The following TRIM55 variants were observed in gnomAD, a reference collection of about 807,000 sequenced individuals.
TRIM55 encodes tripartite motif-containing protein 55.
TRIM55 carries 50 observed loss-of-function variants against 60.9 expected under a neutral mutation model. That is an observed-to-expected ratio of 0.82 (90% CI 0.65 to 1.04). The LOEUF (loss-of-function observed/expected upper bound fraction) is 1.04, where lower values mean the gene tolerates loss of function less well. Among genes scored for constraint, TRIM55 ranks in the 50% least tolerant of loss-of-function variants. TRIM55 has a pLI of 0.00. For synonymous variants in TRIM55, 237 were observed against 238.1 expected (o/e 1.00, Z 0.04); for missense variants, 681 against 666.9 (o/e 1.02, Z -0.23).
At chr8:66,115,973 G>A in the TRIM55 span, among the ~76,000 whole-genome samples, 1 of 152,116 alleles carries the variant, frequency 6.6e-6, no homozygotes, top group African/African-American at 2.4e-5. Context: ...GTAGAGATTC[G>A]GACACATTTC....
chr8:66,174,713 A>C lies in TRIM55; in HGVS notation c.*120A>C, dbSNP rs1811830497. 4.4e-6 allele frequency: 5 copies of C among 1,138,930 alleles called. No individual in the cohort carries two copies. The highest frequency in any genetic ancestry group is 5.8e-6 in the Non-Finnish European group (5 of 860,246). 70.6% of individuals were successfully genotyped at this position (1,138,930 alleles called of 1,614,324 possible). ...AGGGACCTCTGAACAGGATTTCTGC[A>C]AAAATAGCCCCAAACTGCAATTCCA... On this transcript the variant is annotated 3_prime_UTR_variant, in exon 10 of 10. Coordinates refer to ENST00000315962, the MANE Select transcript of TRIM55 (RefSeq NM_184085.2).
chr8:66,148,230 T>C (rs1012528472), intron 4 of TRIM55, among the ~76,000 whole-genome samples: 1 of 145,148 alleles, frequency 6.9e-6, no homozygotes, highest in African/African-American at 2.9e-5. Flanking sequence ...AACTGGATAA[T>C]TAATTATGAT....
chr8:66,142,027 C>T (rs1039988324), intron 4 of TRIM55, among the ~76,000 whole-genome samples: 5 of 152,208 alleles, frequency 3.3e-5, no homozygotes, highest in Non-Finnish European at 7.3e-5. Flanking sequence ...TTACACGACA[C>T]TGGGCATGTT....
At chr8:66,158,344 T>C (rs892670692) in intron 9 of TRIM55, among the ~76,000 whole-genome samples, 8 of 152,166 alleles carry the variant, frequency 5.3e-5, no homozygotes, top group African/African-American at 1.9e-4. Context: ...CTTTACTATA[T>C]CATAATGATT....
the TRIM55 span, among the ~76,000 whole-genome samples, chr8:66,120,967 G>T: frequency 6.6e-6 from 1 of 152,160 alleles, no homozygotes; most frequent in Non-Finnish European, 1.5e-5. Flanking sequence ...CTTTACTTGT[G>T]AAATTTGGCC....
chr8:66,124,816 T>G (rs190339009), upstream of TRIM55, among the ~76,000 whole-genome samples: 389 of 152,342 alleles, frequency 2.6e-3, 1 homozygote, highest in African/African-American at 8.7e-3. Context: ...AAAACAGTTT[T>G]GTTGAATTTT....
At position 66,149,668 on chromosome 8, in the gene TRIM55, A is replaced by G; in HGVS notation, c.627A>G (p.Gln209=). The change falls in exon 5 of 10, where the codon CAA becomes CAG. Residue 209 remains glutamine (Q), a synonymous_variant. Coordinates refer to ENST00000315962, the MANE Select transcript of TRIM55 (RefSeq NM_184085.2). ...AGGAATGTTGCAGAAAACAGAAACA[A>G]GAGCTTTGTGAGAAGTTTGATTACC... ...TIEECCRKQK[Q]ELCEKFDYLY... 1 of 1,613,358 alleles carries G rather than the reference A, an allele frequency of 6.2e-7. No individual in the cohort carries two copies.
chr8:66,155,622 G>A (rs1361276797), intron 9 of TRIM55: 2 of 1,593,694 alleles, frequency 1.3e-6, no homozygotes, highest in South Asian at 2.3e-5. Context: ...TTTTCTCACA[G>A]GAGTTAGTAA....
At chr8:66,125,981 A>G (rs1467376629), upstream of TRIM55, among the ~76,000 whole-genome samples, 1 of 152,264 alleles carries the variant, frequency 6.6e-6, no homozygotes, top group Non-Finnish European at 1.5e-5. Flanking sequence ...ACATTTTTAA[A>G]TACAATATGT....
Position 66,174,590 on chromosome 8 carries a change from A to G in TRIM55, c.1644A>G (p.Glu548=). 6.9e-6 allele frequency: 11 copies of G among 1,593,786 alleles called. No homozygotes were observed. The highest frequency in any genetic ancestry group is 9.4e-6 in the Non-Finnish European group (11 of 1,172,396). ...TTTCCTGGTTGAACTCCCTAAATGA[A>G]TGATATTCATTCCAACTGCTGCCCC... ...FSFSWLNSLN[E] The change falls in exon 10 of 10, where the codon GAA becomes GAG. Residue 548 remains glutamate, a synonymous_variant. Transcript: ENST00000315962.
intron 4 of TRIM55, among the ~76,000 whole-genome samples, chr8:66,144,772 C>T (rs1431233646): frequency 6.6e-6 from 1 of 152,204 alleles, no homozygotes; most frequent in African/African-American, 2.4e-5. Flanking sequence ...AAGCAAGGAG[C>T]AGTCTTTGAG....
At chr8:66,113,359 TAC>T in the TRIM55 span, 1 of 376,276 alleles carries the variant, frequency 2.7e-6, no homozygotes, top group Middle Eastern at 9.1e-4. Flanking sequence ...CCGACACACG[TAC>T]ACGTCCCTTC....
chr8:66,130,244 G>A (rs1301018346), intron 2 of TRIM55, among the ~76,000 whole-genome samples: 2 of 152,200 alleles, frequency 1.3e-5, no homozygotes, highest in Non-Finnish European at 2.9e-5. Flanking sequence ...AGTAAATTGC[G>A]TAAAAGCAAT....
chr8:66,158,685 A>G (rs1277028125), intron 9 of TRIM55, among the ~76,000 whole-genome samples: 1 of 152,258 alleles, frequency 6.6e-6, no homozygotes, highest in Non-Finnish European at 1.5e-5. Flanking sequence ...TAGGCCTGAC[A>G]CAAGTCATTA....
At chr8:66,147,357 GT>G (rs1810147335) in intron 4 of TRIM55, among the ~76,000 whole-genome samples, 1 of 152,210 alleles carries the variant, frequency 6.6e-6, no homozygotes, top group Non-Finnish European at 1.5e-5. Flanking sequence ...AGAATTGACT[GT>G]TCCAAGGAAG....
At chr8:66,141,937 C>G (rs1019679218) in intron 4 of TRIM55, among the ~76,000 whole-genome samples, 2 of 152,156 alleles carry the variant, frequency 1.3e-5, no homozygotes, top group African/African-American at 4.8e-5. Flanking sequence ...GTTTAAATAC[C>G]ATGCCAGAAT....
Position 66,165,501 on chromosome 8 carries a change from TATTTA to T in TRIM55, c.1525-8965_1525-8961del, listed in dbSNP as rs539402893. ...AGGTCTCAGGTTCTTTGAAATGATC[TATTTA>T]ATTTTCCAAAACAAACGGAAGTGAA... On this transcript the variant is annotated intron_variant, in intron 9 of 9. Coordinates refer to ENST00000315962, the MANE Select transcript of TRIM55 (RefSeq NM_184085.2). Among the ~76,000 whole-genome samples the T allele has an allele frequency of 3.3e-3, 508 of 151,830 alleles. 1 individual carries two copies. The highest frequency in any genetic ancestry group is 0.012 in the African/African-American group (499 of 41,122).
At chr8:66,174,341 TATA>T (rs767805344) in intron 9 of TRIM55, 127 bp from the exon 10 acceptor site, 28 of 657,826 alleles carry the variant, frequency 4.3e-5, no homozygotes, top group Non-Finnish European at 5.3e-5. Flanking sequence ...TTATGTGCCA[TATA>T]ATAATATTGT....
intron 9 of TRIM55, among the ~76,000 whole-genome samples, chr8:66,160,622 T>C (rs1810994207): frequency 6.6e-6 from 1 of 152,172 alleles, no homozygotes; most frequent in African/African-American, 2.4e-5. Flanking sequence ...GTGGTTGTAC[T>C]AGTTTACATT....
Sources: allele counts gnomAD v4.1 joint callset (sites outside exome capture counted in the v4.1 genomes callset), GRCh38; gene constraint gnomAD v4.1.1; transcripts MANE v1.5; gene names NCBI Gene and HGNC (gene_info 2026-07-23, HGNC 2026-07-21).